Variants in GRM7 observed in about 807,000 individuals in gnomAD.
GRM7 encodes metabotropic glutamate receptor 7.
Under a neutral mutation model 84.5 loss-of-function variants are expected in GRM7, and 35 were observed. The observed-to-expected ratio is 0.41, with a 90% CI of 0.32 to 0.55. The LOEUF (loss-of-function observed/expected upper bound fraction) is 0.55. Ranked by LOEUF, GRM7 falls within the 20% of genes least tolerant of loss-of-function variation. The pLI, the probability that GRM7 is intolerant of heterozygous loss-of-function variation, is 0.19. For missense variants in GRM7, 1,003 were observed against 1,194.6 expected, an observed-to-expected ratio of 0.84 and a Z score of 2.36; for synonymous variants, 487 against 455.1, an observed-to-expected ratio of 1.07 and a Z score of -0.89.
chr3:6,985,924 A>C (rs1694392675), intron 1 of GRM7, among the ~76,000 whole-genome samples: 1 of 152,202 alleles, frequency 6.6e-6, no homozygotes, highest in African/African-American at 2.4e-5. Flanking sequence ...AGTCTTTAAA[A>C]ATTCCCACTA....
intron 1 of GRM7, among the ~76,000 whole-genome samples, chr3:6,921,884 A>G (rs1697137912): frequency 6.6e-6 from 1 of 152,188 alleles, no homozygotes; most frequent in African/African-American, 2.4e-5. Flanking sequence ...AATATGATTT[A>G]CTCAGAATCA....
chr3:7,340,329 G>T (rs776576888), intron 4 of GRM7, among the ~76,000 whole-genome samples: 6 of 152,118 alleles, frequency 3.9e-5, no homozygotes, highest in African/African-American at 1.4e-4. Context: ...TCACAGTTCC[G>T]CATGGCCAGT....
At chr3:7,282,656 A>G (rs1398658640) in intron 2 of GRM7, among the ~76,000 whole-genome samples, 1 of 152,232 alleles carries the variant, frequency 6.6e-6, no homozygotes, top group Non-Finnish European at 1.5e-5. Context: ...TATTCTGCCT[A>G]CCACAAATAG....
chr3:7,628,646 T>G (rs1364823367), intron 8 of GRM7, among the ~76,000 whole-genome samples: 1 of 152,064 alleles, frequency 6.6e-6, no homozygotes, highest in Admixed American at 6.6e-5. Flanking sequence ...CTAACTCAGG[T>G]TTGGGAGTCC....
In GRM7 at chr3:7,713,124, G is replaced by GTTT. The variant is rs5846535; in HGVS notation, c.2699-27207_2699-27205dup. 8.8e-4 allele frequency among the ~76,000 whole-genome samples: 85 copies of GTTT among 97,114 alleles called. 1 individual carries two copies. Among genetic ancestry groups the GTTT allele is most frequent in the African/African-American group, 1.3e-3 (34 of 26,874 alleles). The allele number at this position is 97,114 out of a possible 152,430, so 63.7% of individuals were successfully genotyped here. On this transcript the variant is annotated intron_variant, in intron 9 of 9. Coordinates refer to ENST00000357716, the MANE Select transcript of GRM7 (RefSeq NM_000844.4). ...ATAGAGAGGATTCGAATTTTGTTTT[G>GTTT]TTTTTTTTTTTTTTTTTTTTTTTTT...
chr3:6,939,199 A>C (rs1433922195), intron 1 of GRM7, among the ~76,000 whole-genome samples: 1 of 152,192 alleles, frequency 6.6e-6, no homozygotes, highest in Non-Finnish European at 1.5e-5. Context: ...ATACATATAG[A>C]ACCAAAAAAA....
chr3:7,530,532 A>G (rs927934815), intron 7 of GRM7, among the ~76,000 whole-genome samples: 1 of 152,272 alleles, frequency 6.6e-6, no homozygotes, highest in South Asian at 2.1e-4. Context: ...GTCTTCCACA[A>G]TGGTTGAACT....
chr3:7,581,316 G>A (rs1366543482), intron 8 of GRM7, among the ~76,000 whole-genome samples: 1 of 152,110 alleles, frequency 6.6e-6, no homozygotes, highest in Admixed American at 6.6e-5. Context: ...GGAAATTTAA[G>A]CTTTCAAGCA....
intron 9 of GRM7, among the ~76,000 whole-genome samples, chr3:7,704,914 C>G (rs556976913): frequency 5.9e-5 from 9 of 152,250 alleles, no homozygotes; most frequent in African/African-American, 2.2e-4. Flanking sequence ...ATGGCAAGAG[C>G]TGGATATCAT....
At chr3:7,415,442 C>G (rs1444627594) in intron 5 of GRM7, among the ~76,000 whole-genome samples, 2 of 151,998 alleles carry the variant, frequency 1.3e-5, no homozygotes, top group Non-Finnish European at 2.9e-5. Flanking sequence ...TTGTTCAGTT[C>G]CAGCCAGGAG....
intron 7 of GRM7, among the ~76,000 whole-genome samples, chr3:7,516,754 G>A (rs1019291955): frequency 1.1e-4 from 17 of 152,110 alleles, no homozygotes; most frequent in Non-Finnish European, 2.1e-4. Flanking sequence ...GTTCTTTGAA[G>A]GTTATTGCCA....
At chr3:7,011,424 A>G (rs1201626712) in intron 1 of GRM7, among the ~76,000 whole-genome samples, 1 of 121,662 alleles carries the variant, frequency 8.2e-6, no homozygotes, top group Non-Finnish European at 2.0e-5. Flanking sequence ...TTATATGCTC[A>G]TGTTCCACCA....
At chr3:7,349,009 G>T (rs765526640) in intron 4 of GRM7, among the ~76,000 whole-genome samples, 2 of 152,074 alleles carry the variant, frequency 1.3e-5, no homozygotes, top group Non-Finnish European at 2.9e-5. Flanking sequence ...CAACGGAGGG[G>T]TTATAAAACG....
intron 5 of GRM7, among the ~76,000 whole-genome samples, chr3:7,415,511 T>C (rs1051011734): frequency 1.3e-5 from 2 of 152,148 alleles, no homozygotes; most frequent in African/African-American, 2.4e-5. Flanking sequence ...ATTGTCGGAT[T>C]TAACTGTTAC....
At chr3:7,454,720 A>C (rs1176832520) in intron 6 of GRM7, among the ~76,000 whole-genome samples, 1 of 152,098 alleles carries the variant, frequency 6.6e-6, no homozygotes, top group African/African-American at 2.4e-5. Flanking sequence ...ATCCCTAACA[A>C]GGAATGAGAG....
intron 1 of GRM7, among the ~76,000 whole-genome samples, chr3:6,960,088 A>G (rs1285767753): frequency 6.6e-6 from 1 of 152,152 alleles, no homozygotes; most frequent in African/African-American, 2.4e-5. Context: ...CTTAAAGACT[A>G]ATTCTAGTGT....
intron 7 of GRM7, among the ~76,000 whole-genome samples, chr3:7,513,204 G>A (rs6788575): frequency 0.054 from 8,244 of 152,142 alleles, 712 homozygotes; most frequent in African/African-American, 0.18. Flanking sequence ...TAGTAGTGTC[G>A]TCAATTTCCA....
intron 1 of GRM7, among the ~76,000 whole-genome samples, chr3:7,114,015 T>A (rs11928865): frequency 0.27 from 41,038 of 152,066 alleles, 5,791 homozygotes; most frequent in African/African-American, 0.33. Context: ...CTGATTTCAA[T>A]TGCCCTAAAT....
At chr3:7,563,164 C>A (rs1329119800) in intron 7 of GRM7, among the ~76,000 whole-genome samples, 1 of 152,060 alleles carries the variant, frequency 6.6e-6, no homozygotes, top group Admixed American at 6.6e-5. Flanking sequence ...AATGGCTGAG[C>A]TGGTTAGAAA....
Sources: gnomAD v4.1 joint callset for allele counts (sites outside exome capture counted in the v4.1 genomes callset) on GRCh38, gnomAD v4.1.1 for gene constraint, MANE v1.5 for transcripts, NCBI Gene and HGNC (gene_info 2026-07-23, HGNC 2026-07-21) for gene names.